The following BNIP2 variants were observed in gnomAD, a reference collection of about 807,000 sequenced individuals.
BNIP2 encodes the protein BCL2/adenovirus E1B 19 kDa protein-interacting protein 2.
A neutral mutation model predicts 43.4 loss-of-function variants in BNIP2; 36 were observed. The ratio of observed to expected loss-of-function variants is 0.83; its 90% confidence interval spans 0.64 to 1.10. The LOEUF is 1.10. Among genes scored for constraint, BNIP2 ranks in the 50% least tolerant of loss-of-function variants. The pLI is 0.00. For missense variants in BNIP2, 417 were observed against 374.1 expected, an observed-to-expected ratio of 1.11 and a Z score of -0.95; for synonymous variants, 146 against 121.0, an observed-to-expected ratio of 1.21 and a Z score of -1.35.
At chr15:59,687,426 G>A (rs996180618) in intron 1 of BNIP2, among the ~76,000 whole-genome samples, 5 of 147,734 alleles carry the variant, frequency 3.4e-5, no homozygotes, top group South Asian at 4.2e-4. Context: ...ATCTCGGCTC[G>A]CTACAACCTC....
intron 1 of BNIP2, 157 bp downstream of exon 1, chr15:59,688,978 T>G: frequency 6.9e-7 from 1 of 1,441,810 alleles, no homozygotes; most frequent in Non-Finnish European, 9.1e-7. Context: ...AGGAAGCACC[T>G]CCCGAGCAGG....
rs1892164869 is a variant in BNIP2, at chr15:59,659,949, T to G, written c.*4120A>C. ...AGACTACTTTATTTTCAATTATCCT[T>G]TAGAACTTCAAAGGAAAGTTACATA... On this transcript the variant is annotated 3_prime_UTR_variant, in exon 10 of 10. Transcript: ENST00000607373. 2 of 152,218 alleles carry G rather than the reference T, an allele frequency of 1.3e-5. No homozygotes were observed. The highest frequency in any genetic ancestry group is 6.5e-5 in the Admixed American group (1 of 15,276). The allele number at this position is 152,218 out of a possible 1,614,324, so 9.4% of individuals were successfully genotyped here. A position where few individuals can be genotyped will look rare whatever the true frequency, so the allele number is the denominator to read the frequency against.
chr15:59,663,452 A>T lies in BNIP2; in HGVS notation c.*617T>A, dbSNP rs2306355. On this transcript the variant is annotated 3_prime_UTR_variant, in exon 10 of 10. Transcript: ENST00000607373. ...GTACTTGCTGAATTATGAAACAAATATGTTAAATGAGAAAAAAACCTTGGG... is the reference window on the plus strand; with the variant it reads ...GTACTTGCTGAATTATGAAACAAATTTGTTAAATGAGAAAAAAACCTTGGG... 5 of 152,648 alleles carry T rather than the reference A, an allele frequency of 3.3e-5. No homozygotes were observed. Among genetic ancestry groups the T allele is most frequent in the African/African-American group, 1.2e-4 (5 of 41,546 alleles). The allele number at this position is 152,648 out of a possible 1,614,324, so 9.5% of individuals were successfully genotyped here. A position where few individuals can be genotyped will look rare whatever the true frequency, so the allele number is the denominator to read the frequency against.
chr15:59,680,898 C>A (rs1264498135), intron 2 of BNIP2, among the ~76,000 whole-genome samples: 18 of 152,308 alleles, frequency 1.2e-4, no homozygotes, highest in Admixed American at 9.2e-4. Flanking sequence ...TGCCTGGCTA[C>A]ACTTTCAAAG....
intron 9 of BNIP2, among the ~76,000 whole-genome samples, chr15:59,664,555 G>A (rs928718606): frequency 4.6e-5 from 7 of 151,598 alleles, no homozygotes; most frequent in Non-Finnish European, 7.4e-5. Context: ...CTAATTTTTC[G>A]TATTTTTAGT....
intron 1 of BNIP2, chr15:59,688,452 A>G (rs1286597649): frequency 5.7e-6 from 2 of 348,938 alleles, no homozygotes; most frequent in African/African-American, 2.1e-5. Context: ...TTAAATAAAT[A>G]GGAGGCACCG....
In BNIP2 at chr15:59,661,533, A is replaced by ATT. The variant is rs1266442131; in HGVS notation, c.*2535_*2536insAA. 1.4e-4 allele frequency: 22 copies of ATT among 152,216 alleles called. No individual in the cohort carries two copies. The highest frequency in any genetic ancestry group is 4.3e-4 in the African/African-American group (18 of 41,518). 9.4% of individuals were successfully genotyped at this position (152,216 alleles called of 1,614,324 possible). A position where few individuals can be genotyped will look rare whatever the true frequency, so the allele number is the denominator to read the frequency against. Reference sequence around the variant, plus strand: ...TTGTTAAGCTTAAATTGTGGGGTGAATAGAACGTCTTCCCTTGGTGCTTGC... The same window carrying ATT: ...TTGTTAAGCTTAAATTGTGGGGTGAATTTAGAACGTCTTCCCTTGGTGCTTGC... On this transcript the variant is annotated 3_prime_UTR_variant, in exon 10 of 10. Transcript: ENST00000607373.
chr15:59,672,584 G>T, intron 6 of BNIP2, 53 bp downstream of exon 6: 1 of 1,342,604 alleles, frequency 7.4e-7, no homozygotes, highest in Non-Finnish European at 1.1e-6. Context: ...TTAAGGTGTA[G>T]ATCTAATTAG....
rs200965538 is a variant in BNIP2, at chr15:59,669,358, G to A, written c.712C>T (p.Arg238Trp). The change falls in exon 8 of 10, where the codon CGG becomes TGG. Residue 238 changes from arginine to tryptophan, a missense_variant. Transcript: ENST00000607373. ...ATGATTAGGGATTTTAGATTTTTCC[G>A]TAACCTGGAGTTTAAAAAAAAAACA... Reference protein sequence around the residue: ...KCYQQIDRRLRKNLKSLIIVH... With the variant: ...KCYQQIDRRLWKNLKSLIIVH... 8.7e-6 allele frequency: 13 copies of A among 1,500,398 alleles called. No individual in the cohort carries two copies. Among genetic ancestry groups the A allele is most frequent in the South Asian group, 2.8e-5 (2 of 70,746 alleles). 92.9% of individuals were successfully genotyped at this position (1,500,398 alleles called of 1,614,324 possible). A position where few individuals can be genotyped will look rare whatever the true frequency, so the allele number is the denominator to read the frequency against.
At chr15:59,674,243 CTTCA>C (rs1403724225) in intron 5 of BNIP2, among the ~76,000 whole-genome samples, 5 of 150,082 alleles carry the variant, frequency 3.3e-5, no homozygotes, top group African/African-American at 1.2e-4. Flanking sequence ...CTGCTTTAAC[CTTCA>C]TTTCTATTGC....
rs1395274162 is a variant in BNIP2 at position 59,661,722 on chromosome 15, T to G, written c.*2347A>C. 1.3e-5 allele frequency: 2 copies of G among 152,238 alleles called. No homozygotes were observed. The highest frequency in any genetic ancestry group is 2.9e-5 in the Non-Finnish European group (2 of 68,036). 9.4% of individuals were successfully genotyped at this position (152,238 alleles called of 1,614,324 possible). ...GATAAAAGTACAATCACATATACTT[T>G]CACCTTGGTCAGTAATGGGAAATTA... On this transcript the variant is annotated 3_prime_UTR_variant, in exon 10 of 10. Transcript: ENST00000607373.
chr15:59,678,796 G>C, intron 4 of BNIP2: 3 of 1,302,912 alleles, frequency 2.3e-6, no homozygotes, highest in South Asian at 2.5e-5. Flanking sequence ...TTGTTTCCAA[G>C]ACAAAGCTGT....
chr15:59,687,018 A>G (rs1211718040), intron 1 of BNIP2, among the ~76,000 whole-genome samples: 2 of 152,202 alleles, frequency 1.3e-5, no homozygotes, highest in Admixed American at 1.3e-4. Context: ...CTGCATCTCA[A>G]AAAAGCTAAA....
intron 9 of BNIP2, among the ~76,000 whole-genome samples, chr15:59,667,876 T>C (rs902699870): frequency 6.6e-6 from 1 of 152,262 alleles, no homozygotes; most frequent in East Asian, 1.9e-4. Flanking sequence ...GAAGGGTCTG[T>C]GGTTTTTAAT....
chr15:59,679,610 T>C lies in BNIP2; in HGVS notation c.277A>G (p.Asn93Asp). 6.2e-7 allele frequency: 1 copy of C among 1,612,958 alleles called. No individual in the cohort carries two copies. Among genetic ancestry groups the C allele is most frequent in the South Asian group, 1.1e-5 (1 of 90,950 alleles). The part of the protein sequence containing the change: ...DGLDTPSENS[N>D]EFEWEDDLPK... ...CATTTACCTTCCCACTCAAACTCAT[T>C]ACTATTCTCTGACGGTGTGTCTAAG... is the stretch of plus-strand genomic sequence containing the variant. The change falls in exon 4 of 10, where the codon AAT (asparagine) becomes GAT (aspartate). Residue 93 changes from asparagine (N) to aspartate (D), a missense_variant. Coordinates refer to ENST00000607373, the MANE Select transcript of BNIP2 (RefSeq NM_004330.4).
Position 59,682,397 on chromosome 15 carries a change from G to C in BNIP2, c.50+11C>G, listed in dbSNP as rs1458866942. On this transcript the variant is annotated intron_variant, in intron 2 of 9. Transcript: ENST00000607373. ...GCTCTAAAATTGTTTTCTTTTAAAA[G>C]CATTGCTCACATCGGAAAATCTTCA... The C allele has an allele frequency of 6.2e-7, 1 of 1,602,218 alleles. No homozygotes were observed. The highest frequency in any genetic ancestry group is 1.1e-5 in the South Asian group (1 of 89,744).
In BNIP2 at chr15:59,661,351, AG is replaced by A. The variant is rs1892260512; in HGVS notation, c.*2717del. The A allele has an allele frequency of 7.3e-6, 1 of 137,218 alleles. No homozygotes were observed. The highest frequency in any genetic ancestry group is 1.6e-5 in the Non-Finnish European group (1 of 62,422). The allele number at this position is 137,218 out of a possible 1,614,324, so 8.5% of individuals were successfully genotyped here. A position where few individuals can be genotyped will look rare whatever the true frequency, so the allele number is the denominator to read the frequency against. ...TCTCCAAAAAAAAAAAAAAAAAAAGAGAGGGCACACATACAGTGGCATCTTA... is the reference window on the plus strand; with the variant it reads ...TCTCCAAAAAAAAAAAAAAAAAAAGAAGGGCACACATACAGTGGCATCTTA... On this transcript the variant is annotated 3_prime_UTR_variant, in exon 10 of 10. Transcript: ENST00000607373.
chr15:59,665,706 A>T (rs2141986113), intron 9 of BNIP2, among the ~76,000 whole-genome samples: 1 of 152,364 alleles, frequency 6.6e-6, no homozygotes, highest in African/African-American at 2.4e-5. Context: ...CATTAGAAGG[A>T]TTACATAATT....
At position 59,668,946 on chromosome 15, in the gene BNIP2, T is replaced by A; in HGVS notation, c.839A>T (p.Glu280Val). The A allele has an allele frequency of 6.2e-7, 1 of 1,613,778 alleles. No individual in the cohort carries two copies. Among genetic ancestry groups the A allele is most frequent in the Non-Finnish European group, 8.5e-7 (1 of 1,179,772 alleles). ...TTCCATGGGGACAAGTTCTGCTAGT[T>A]CTGCCAAATTAAACACGTATCTAAT... ...QKIRYVFNLA[E>V]LAELVPMEYV... Residue 280 changes from glutamate (E) to valine (V), a missense_variant, in exon 9 of 10, where the codon GAA becomes GTA. Physicochemically the swap from Glu to Val is moderately radical, Grantham distance 121. Transcript: ENST00000607373.
Sources: gnomAD v4.1 joint callset for allele counts (sites outside exome capture counted in the v4.1 genomes callset) on GRCh38, gnomAD v4.1.1 for gene constraint, MANE v1.5 for transcripts, NCBI Gene and HGNC (gene_info 2026-07-23, HGNC 2026-07-21) for gene names.